NAA20: variants seen among roughly 807,000 people sequenced by gnomAD.
NAA20 encodes N-alpha-acetyltransferase 20, NatB catalytic subunit, also known as N-alpha-acetyltransferase 20.
A neutral mutation model predicts 23.8 loss-of-function variants in NAA20; 24 were observed. The ratio of observed to expected loss-of-function variants is 1.01; its 90% CI spans 0.73 to 1.42. The LOEUF (loss-of-function observed/expected upper bound fraction) is 1.42. Ranked by LOEUF, NAA20 falls within the 40% of genes most tolerant of loss-of-function variation. NAA20 has a pLI of 0.00. For missense variants in NAA20, 166 were observed against 223.1 expected, an observed-to-expected ratio of 0.74 and a Z score of 1.63; for synonymous variants, 83 against 77.7, an observed-to-expected ratio of 1.07 and a Z score of -0.36.
intron 2 of NAA20, among the ~76,000 whole-genome samples, chr20:20,024,851 C>A (rs181794198): frequency 2.0e-5 from 3 of 152,088 alleles, no homozygotes; most frequent in Admixed American, 1.3e-4. Context: ...GAATTTCGCA[C>A]GGAACAGGTT....
intron 1 of NAA20, 46 bp downstream of exon 1, chr20:20,017,495 C>G: frequency 1.3e-6 from 2 of 1,539,306 alleles, no homozygotes; most frequent in Non-Finnish European, 1.7e-6. Flanking sequence ...CCGGGCCTCG[C>G]TTCCCGGCCC....
intron 2 of NAA20, 80 bp downstream of exon 2, chr20:20,022,560 G>A: frequency 7.7e-7 from 1 of 1,295,752 alleles, no homozygotes; most frequent in Non-Finnish European, 1.1e-6. Flanking sequence ...GGAAAACAGA[G>A]GAGTACTGAA....
At chr20:20,018,072 T>A (rs1438718377) in intron 1 of NAA20, 2 of 1,614,012 alleles carry the variant, frequency 1.2e-6, no homozygotes, top group Non-Finnish European at 1.7e-6. Flanking sequence ...TTACTGTAGC[T>A]GCGCACCCCG....
Position 20,033,374 on chromosome 20 carries a change from A to G in NAA20, c.*187A>G. 1 of 510,796 alleles carries G rather than the reference A, an allele frequency of 2.0e-6. No homozygotes were observed. The highest frequency in any genetic ancestry group is 3.4e-6 in the Non-Finnish European group (1 of 291,658). 31.6% of individuals were successfully genotyped at this position (510,796 alleles called of 1,614,324 possible). A position where few individuals can be genotyped will look rare whatever the true frequency, so the allele number is the denominator to read the frequency against. Reference sequence around the variant, plus strand: ...CAGTTAGCAATATCATACCTATTAAAGCTGTTCATTGTAACAAAATTCAAT... The same window carrying G: ...CAGTTAGCAATATCATACCTATTAAGGCTGTTCATTGTAACAAAATTCAAT... On this transcript the variant is annotated 3_prime_UTR_variant, in exon 6 of 6. Transcript: ENST00000334982.
chr20:20,031,229 C>G (rs2043341417), intron 4 of NAA20, among the ~76,000 whole-genome samples: 1 of 152,142 alleles, frequency 6.6e-6, no homozygotes, highest in Non-Finnish European at 1.5e-5. Flanking sequence ...GAGACTATAT[C>G]TTAGTGCTGT....
Position 20,017,365 on chromosome 20 carries a change from G to C in NAA20, c.-32G>C, listed in dbSNP as rs909220641. ...TCCGGCAGGGCGGGCGCGGGGTCTTGGCGAACGGTCTTCGGAAGCGGCGGC... is the reference window on the plus strand; with the variant it reads ...TCCGGCAGGGCGGGCGCGGGGTCTTCGCGAACGGTCTTCGGAAGCGGCGGC... On this transcript the variant is annotated 5_prime_UTR_variant, in exon 1 of 6. Transcript: ENST00000334982. 8 of 1,610,336 alleles carry C rather than the reference G, an allele frequency of 5.0e-6. No homozygotes were observed. The highest frequency in any genetic ancestry group is 6.8e-6 in the Non-Finnish European group (8 of 1,178,958).
At position 20,033,291 on chromosome 20, in the gene NAA20, G is replaced by C; in HGVS notation, c.*104G>C. 2.2e-6 allele frequency: 2 copies of C among 900,244 alleles called. No individual in the cohort carries two copies. Among genetic ancestry groups the C allele is most frequent in the Non-Finnish European group, 3.4e-6 (2 of 588,436 alleles). The allele number at this position is 900,244 out of a possible 1,614,324, so 55.8% of individuals were successfully genotyped here. A position where few individuals can be genotyped will look rare whatever the true frequency, so the allele number is the denominator to read the frequency against. On this transcript the variant is annotated 3_prime_UTR_variant, in exon 6 of 6. Coordinates refer to ENST00000334982, the MANE Select transcript of NAA20 (RefSeq NM_016100.5). ...TATTAGGAGAAAAGTAATCATTTTA[G>C]GTCTTAAAGACTTCAAGAAAATACA...
chr20:20,033,242 T>A lies in NAA20; in HGVS notation c.*55T>A. ...CTAGATGCTTTATGGACAATATTAT[T>A]TTCATTGGATGATTCTGGAGCTCTA... is the stretch of plus-strand genomic sequence containing the variant. On this transcript the variant is annotated 3_prime_UTR_variant, in exon 6 of 6. Coordinates refer to ENST00000334982, the MANE Select transcript of NAA20 (RefSeq NM_016100.5). The A allele has an allele frequency of 1.5e-6, 2 of 1,375,742 alleles. No individual in the cohort carries two copies. The highest frequency in any genetic ancestry group is 3.6e-5 in the Admixed American group (2 of 56,136). 85.2% of individuals were successfully genotyped at this position (1,375,742 alleles called of 1,614,324 possible).
chr20:20,026,444 A>G (rs1225537381), intron 3 of NAA20, among the ~76,000 whole-genome samples: 2 of 152,116 alleles, frequency 1.3e-5, no homozygotes, highest in Non-Finnish European at 2.9e-5. Flanking sequence ...ATATGTGTAC[A>G]TCCACATGTA....
rs545030567 is a variant in NAA20, at chr20:20,017,410, G to A, written c.14G>A (p.Arg5Gln). The change falls in exon 1 of 6, where the codon CGG becomes CAG. Residue 5 changes from arginine (R) to glutamine (Q), a missense_variant. Physicochemically the swap from Arg to Gln is conservative, Grantham distance 43. Transcript: ENST00000334982. MTTLRAFTCDDLFRF... is the reference protein window; with the variant it reads MTTLQAFTCDDLFRF... ...GGCGGCGGCGCGATGACCACGCTAC[G>A]GGCCTTTACCTGCGACGACCTGTTC... 14 of 1,611,832 alleles carry A rather than the reference G, an allele frequency of 8.7e-6. No homozygotes were observed. Among genetic ancestry groups the A allele is most frequent in the South Asian group, 3.3e-5 (3 of 90,988 alleles).
At chr20:20,028,228 G>GA (rs1231108803) in intron 4 of NAA20, among the ~76,000 whole-genome samples, 1 of 151,948 alleles carries the variant, frequency 6.6e-6, no homozygotes, top group East Asian at 1.9e-4. Context: ...GCATTATGTT[G>GA]AAAAAAAGTA....
chr20:20,017,819 C>T, intron 1 of NAA20: 1 of 1,478,656 alleles, frequency 6.8e-7, no homozygotes, highest in Non-Finnish European at 9.0e-7. Flanking sequence ...GGCTTCTCGC[C>T]CTGCCCTACT....
At chr20:20,023,242 G>A (rs1022466360) in intron 2 of NAA20, among the ~76,000 whole-genome samples, 1 of 151,304 alleles carries the variant, frequency 6.6e-6, no homozygotes, top group Non-Finnish European at 1.5e-5. Flanking sequence ...GCAGTGAGCC[G>A]AGGTTGCAGT....
In NAA20 at chr20:20,022,436, AT is replaced by A; in HGVS notation, c.54-17del. 6.3e-7 allele frequency: 1 copy of A among 1,587,378 alleles called. No individual in the cohort carries two copies. The highest frequency in any genetic ancestry group is 8.5e-7 in the Non-Finnish European group (1 of 1,169,780). ...ATTGTAAACGCTGCTTACTAGAGAC[AT>A]TTCTCTTGTTTCTTTCAGTAACTTG... On this transcript the variant is annotated intron_variant, in intron 1 of 5. Coordinates refer to ENST00000334982, the MANE Select transcript of NAA20 (RefSeq NM_016100.5).
At chr20:20,030,301 TTACAC>T (rs1436376325) in intron 4 of NAA20, among the ~76,000 whole-genome samples, 1 of 152,130 alleles carries the variant, frequency 6.6e-6, no homozygotes, top group Non-Finnish European at 1.5e-5. Flanking sequence ...GGTTTCAACT[TTACAC>T]TAAAGGAGAA....
At chr20:20,020,604 A>G (rs1304665605) in intron 1 of NAA20, among the ~76,000 whole-genome samples, 1 of 152,218 alleles carries the variant, frequency 6.6e-6, no homozygotes, top group Non-Finnish European at 1.5e-5. Context: ...GGGGCCAGGA[A>G]GGCATCTGGG....
chr20:20,032,399 G>T lies in NAA20; in HGVS notation c.306-109G>T, dbSNP rs1244931712. The T allele has an allele frequency of 1.7e-5, 17 of 1,013,714 alleles. No homozygotes were observed. In the East Asian group the frequency reaches 2.6e-4, roughly 15 times the overall value. 62.8% of individuals were successfully genotyped at this position (1,013,714 alleles called of 1,614,324 possible). A position where few individuals can be genotyped will look rare whatever the true frequency, so the allele number is the denominator to read the frequency against. On this transcript the variant is annotated intron_variant, in intron 4 of 5. Coordinates refer to ENST00000334982, the MANE Select transcript of NAA20 (RefSeq NM_016100.5). The stretch of plus-strand genomic sequence containing the variant: ...TACAAGGTCCTATTACTACCATTCT[G>T]AGTAGTAGTCAAAGCAAGGTAAAAA...
intron 2 of NAA20, among the ~76,000 whole-genome samples, chr20:20,023,872 T>C (rs2043288701): frequency 6.6e-6 from 1 of 152,386 alleles, no homozygotes; most frequent in East Asian, 1.9e-4. Flanking sequence ...TATAAATTGC[T>C]ATTATCTTTC....
At chr20:20,018,045 A>C in intron 1 of NAA20, 1 of 1,614,220 alleles carries the variant, frequency 6.2e-7, no homozygotes, top group Non-Finnish European at 8.5e-7. Context: ...AGTCATGGTT[A>C]GTGTTTGCAA....
Sources: allele counts gnomAD v4.1 joint callset (sites outside exome capture counted in the v4.1 genomes callset), GRCh38; gene constraint gnomAD v4.1.1; transcripts MANE v1.5; gene names NCBI Gene and HGNC (gene_info 2026-07-23, HGNC 2026-07-21).